Variants in RPGR observed in about 807,000 individuals in gnomAD.
RPGR encodes X-linked retinitis pigmentosa GTPase regulator.
A neutral mutation model predicts 56.3 loss-of-function variants in RPGR; 10 were observed. That is an observed-to-expected ratio of 0.18 (90% CI 0.11 to 0.30). The LOEUF (loss-of-function observed/expected upper bound fraction) is 0.30. Ranked by LOEUF, RPGR falls within the 10% of genes least tolerant of loss-of-function variation. The pLI is 1.00. For missense variants in RPGR, 538 were observed against 590.9 expected (o/e 0.91, Z 0.93); for synonymous variants, 197 against 212.9 (o/e 0.93, Z 0.65).
At chrX:38,275,802 C>G (rs1446109858) in intron 16 of RPGR, among the ~76,000 whole-genome samples, 1 of 111,202 alleles carries the variant, frequency 9.0e-6, no homozygotes, top group Non-Finnish European at 1.9e-5. Context: ...AGCCTTGCAA[C>G]AGACCAATGA....
intron 10 of RPGR, among the ~76,000 whole-genome samples, 164 bp from the exon 11 acceptor site, chrX:38,297,616 G>T (rs2067413135): frequency 9.0e-6 from 1 of 111,694 alleles, no homozygotes; most frequent in South Asian, 3.7e-4. Flanking sequence ...AAAACATTTT[G>T]CTCTGTTGTC....
At chrX:38,297,160 T>C in intron 11 of RPGR, 124 bp downstream of exon 11, 1 of 711,314 alleles carries the variant, frequency 1.4e-6, no homozygotes, top group Non-Finnish European at 2.2e-6. Context: ...AAATGAGTGA[T>C]GTTAGGCTCT....
intron 1 of RPGR, among the ~76,000 whole-genome samples, chrX:38,325,372 C>T (rs779604951): frequency 4.5e-5 from 5 of 111,088 alleles, no homozygotes; most frequent in African/African-American, 1.6e-4. Context: ...CATGTATATT[C>T]GTAACTGTTG....
chrX:38,270,765 G>A (rs985608320), intron 18 of RPGR, among the ~76,000 whole-genome samples: 1 of 110,742 alleles, frequency 9.0e-6, no homozygotes, highest in Non-Finnish European at 1.9e-5. Context: ...GATAATAGCT[G>A]AGAGATGAAA....
chrX:38,320,008 A>C (rs1034771813), intron 4 of RPGR, among the ~76,000 whole-genome samples: 39 of 112,060 alleles, frequency 3.5e-4, no homozygotes, highest in Non-Finnish European at 5.4e-4. Context: ...GGAAAATACA[A>C]GGTCACATGC....
chrX:38,290,287 G>A (rs2067257894), intron 13 of RPGR, among the ~76,000 whole-genome samples: 1 of 111,208 alleles, frequency 9.0e-6, no homozygotes. Flanking sequence ...TTCATTCATT[G>A]CACTAGTCCT....
At chrX:38,292,780 T>A (rs1341406780) in intron 11 of RPGR, among the ~76,000 whole-genome samples, 1 of 111,751 alleles carries the variant, frequency 8.9e-6, no homozygotes, top group East Asian at 2.8e-4. Flanking sequence ...AGAAATTACA[T>A]CCGTATGTTG....
chrX:38,300,050 A>C (rs1427913483), intron 9 of RPGR, among the ~76,000 whole-genome samples: 1 of 110,770 alleles, frequency 9.0e-6, no homozygotes, highest in African/African-American at 3.3e-5. Context: ...CCCGGATTCA[A>C]GCAATTATTT....
At chrX:38,306,907 T>C (rs2067613530) in intron 7 of RPGR, among the ~76,000 whole-genome samples, 1 of 112,766 alleles carries the variant, frequency 8.9e-6, no homozygotes, top group African/African-American at 3.2e-5. Context: ...GGACATTATA[T>C]TTAACAACCA....
intron 9 of RPGR, among the ~76,000 whole-genome samples, chrX:38,300,932 T>C (rs769264247): frequency 9.0e-6 from 1 of 111,703 alleles, no homozygotes; most frequent in South Asian, 3.7e-4. Flanking sequence ...GTGAGCAAGG[T>C]ACTCTGCTGG....
At chrX:38,280,411 C>A (rs1462038934) in intron 15 of RPGR, among the ~76,000 whole-genome samples, 1 of 111,094 alleles carries the variant, frequency 9.0e-6, no homozygotes, top group Non-Finnish European at 1.9e-5. Flanking sequence ...AGGAGCCTAG[C>A]ATCAAGGCCA....
intron 4 of RPGR, among the ~76,000 whole-genome samples, chrX:38,319,419 GA>G (rs1205039072): frequency 8.9e-6 from 1 of 112,090 alleles, no homozygotes; most frequent in Non-Finnish European, 1.9e-5. Context: ...AATCCAAGAA[GA>G]ATCTAATTAG....
chrX:38,295,314 A>G (rs1197137458), intron 11 of RPGR, among the ~76,000 whole-genome samples: 2 of 111,991 alleles, frequency 1.8e-5, no homozygotes, highest in African/African-American at 6.5e-5. Context: ...ATCCTGATCC[A>G]CTTTCCTCCA....
At chrX:38,280,239 T>TA (rs1362892055) in intron 15 of RPGR, among the ~76,000 whole-genome samples, 2 of 112,108 alleles carry the variant, frequency 1.8e-5, no homozygotes, top group African/African-American at 6.5e-5. Flanking sequence ...GGCCCCTCCA[T>TA]AAAAAGTAAG....
At chrX:38,299,866 A>C (rs2067470084) in intron 9 of RPGR, among the ~76,000 whole-genome samples, 1 of 111,890 alleles carries the variant, frequency 8.9e-6, no homozygotes, top group South Asian at 3.7e-4. Flanking sequence ...CCTTTTAAAA[A>C]TTATAAGACT....
chrX:38,273,678 T>C (rs1197856215), intron 17 of RPGR: 2 of 336,440 alleles, frequency 5.9e-6, no homozygotes, highest in African/African-American at 2.6e-5. Flanking sequence ...CTCACCAAAG[T>C]TGTAAATGTT....
At position 38,269,770 on chromosome X, in the gene RPGR, C is replaced by A; in HGVS notation, c.2304G>T (p.Pro768=). ...CTCCTATGGATTTTATCTCTGGGAG[C>A]GGCTCATTGTTATTCTTGACAATCT... is the stretch of plus-strand genomic sequence containing the variant. The change falls in exon 19 of 19, where the codon CCG becomes CCT. Residue 768 remains proline, a synonymous_variant. Coordinates refer to ENST00000642395, the MANE Select transcript of RPGR (RefSeq NM_000328.3). The A allele has an allele frequency of 8.3e-7, 1 of 1,209,451 alleles. No homozygotes were observed. The highest frequency in any genetic ancestry group is 3.0e-5 in the East Asian group (1 of 33,829).
At chrX:38,304,953 A>C (rs2067568815) in intron 7 of RPGR, 163 bp from the exon 8 acceptor site, 1 of 474,364 alleles carries the variant, frequency 2.1e-6, no homozygotes, top group Non-Finnish European at 3.7e-6. Context: ...TAAATCTTTC[A>C]ATGATGAAGG....
intron 6 of RPGR, among the ~76,000 whole-genome samples, chrX:38,312,749 G>A (rs1308624113): frequency 6.3e-5 from 7 of 111,603 alleles, no homozygotes; most frequent in African/African-American, 2.3e-4. Flanking sequence ...TTTGAAACCA[G>A]TCTGGGCAAC....
Sources: allele counts gnomAD v4.1 joint callset (sites outside exome capture counted in the v4.1 genomes callset), GRCh38; gene constraint gnomAD v4.1.1; transcripts MANE v1.5; gene names NCBI Gene and HGNC (gene_info 2026-07-23, HGNC 2026-07-21).